Variants in GLI3 observed in about 807,000 individuals in gnomAD.
GLI3 encodes GLI family zinc finger 3, also known as transcription activator GLI3.
A neutral mutation model predicts 100.8 loss-of-function variants in GLI3; 20 were observed. The ratio of observed to expected loss-of-function variants is 0.20; its 90% CI spans 0.14 to 0.29. The LOEUF (loss-of-function observed/expected upper bound fraction) is 0.29. Among genes scored for constraint, GLI3 ranks in the 10% least tolerant of loss-of-function variants. The probability of loss-of-function intolerance (pLI) is 1.00; values close to 1 mark genes in which losing one functional copy is unlikely to be tolerated. For missense variants in GLI3, 2,040 were observed against 2,128.5 expected (o/e 0.96, Z 0.82); for synonymous variants, 938 against 860.5 (o/e 1.09, Z -1.58).
intron 10 of GLI3, among the ~76,000 whole-genome samples, chr7:42,002,118 A>T (rs1168655344): frequency 6.6e-6 from 1 of 152,164 alleles, no homozygotes; most frequent in African/African-American, 2.4e-5. Context: ...AAGAATTGAG[A>T]GGGCACACAA....
At chr7:42,065,663 T>G (rs1293759573) in intron 4 of GLI3, among the ~76,000 whole-genome samples, 1 of 152,168 alleles carries the variant, frequency 6.6e-6, no homozygotes, top group Non-Finnish European at 1.5e-5. Flanking sequence ...CATAAGGCAA[T>G]CCATTTTATG....
chr7:42,157,916 T>C lies in GLI3; in HGVS notation c.125-9448A>G, dbSNP rs1023517252. ...ATATTAATAACACCCCCCGCTGGTA[T>C]AGGACTTTAAAAGATTTTGATAAAT... On this transcript the variant is annotated intron_variant, in intron 2 of 14. Coordinates refer to ENST00000395925, the MANE Select transcript of GLI3 (RefSeq NM_000168.6). Among the ~76,000 whole-genome samples the C allele has an allele frequency of 4.6e-5, 7 of 152,216 alleles. No homozygotes were observed. The East Asian group carries it at 1.2e-3, about 25-fold the overall frequency.
At chr7:42,030,287 A>G (rs145333633) in intron 7 of GLI3, among the ~76,000 whole-genome samples, 52 of 152,218 alleles carry the variant, frequency 3.4e-4, no homozygotes, top group Non-Finnish European at 5.9e-4. Context: ...ATCGAGGATC[A>G]TCTTCTCATC....
chr7:42,023,393 A>G (rs1046942993), intron 10 of GLI3, 75 bp downstream of exon 10: 3 of 1,461,738 alleles, frequency 2.1e-6, no homozygotes, highest in African/African-American at 2.8e-5. Flanking sequence ...GACTCAGCTC[A>G]GGGTCAGAGA....
chr7:42,143,052 A>T (rs765557104), intron 3 of GLI3, among the ~76,000 whole-genome samples: 1 of 152,214 alleles, frequency 6.6e-6, no homozygotes, highest in Admixed American at 6.5e-5. Context: ...TAAGAGAAAG[A>T]CAAGAATAAG....
intron 2 of GLI3, among the ~76,000 whole-genome samples, chr7:42,211,884 A>C (rs1788280159): frequency 6.6e-6 from 1 of 152,260 alleles, no homozygotes; most frequent in Non-Finnish European, 1.5e-5. Context: ...ATGAAGCAAG[A>C]GTCCTAGAAA....
intron 13 of GLI3, among the ~76,000 whole-genome samples, chr7:41,968,708 A>C (rs1309504252): frequency 5.1e-5 from 6 of 116,560 alleles, no homozygotes; most frequent in Non-Finnish European, 1.0e-4. Flanking sequence ...AAAGAAAGAA[A>C]GAAAGAAGAA....
At chr7:42,104,253 A>G (rs1243743236) in intron 3 of GLI3, among the ~76,000 whole-genome samples, 2 of 152,218 alleles carry the variant, frequency 1.3e-5, no homozygotes, top group Non-Finnish European at 2.9e-5. Context: ...AGAAAAGAAG[A>G]TAATGCATCA....
At chr7:42,209,741 C>T (rs1196734461) in intron 2 of GLI3, among the ~76,000 whole-genome samples, 1 of 151,652 alleles carries the variant, frequency 6.6e-6, no homozygotes, top group Non-Finnish European at 1.5e-5. Flanking sequence ...ATTAGCTAGG[C>T]TACAACTATG....
chr7:42,148,418 T>C lies in GLI3; in HGVS notation c.175A>G (p.Thr59Ala). ...TYHRERRNAI[T>A]MQPQNVQGLS... ...CCCTGGACATTCTGTGGCTGCATAG[T>C]GATTGCGTTTCTTCTCTCTCTGTGA... Residue 59 changes from threonine (T) to alanine (A), a missense_variant, in exon 3 of 15, where the codon ACT (threonine) becomes GCT (alanine). Thr to Ala is a moderately conservative substitution (Grantham distance 58). Coordinates refer to ENST00000395925, the MANE Select transcript of GLI3 (RefSeq NM_000168.6). 6.2e-7 allele frequency: 1 copy of C among 1,613,956 alleles called. No homozygotes were observed.
chr7:42,188,268 T>C (rs1787759418), intron 2 of GLI3, among the ~76,000 whole-genome samples: 1 of 152,140 alleles, frequency 6.6e-6, no homozygotes, highest in Non-Finnish European at 1.5e-5. Context: ...TGGTAATTTG[T>C]TATAGCAGCC....
At chr7:42,202,478 T>C (rs1788066661) in intron 2 of GLI3, among the ~76,000 whole-genome samples, 1 of 152,020 alleles carries the variant, frequency 6.6e-6, no homozygotes, top group Non-Finnish European at 1.5e-5. Context: ...CCACTAAAAC[T>C]AGTGATTAAT....
intron 3 of GLI3, among the ~76,000 whole-genome samples, chr7:42,090,466 G>T (rs1352745052): frequency 6.6e-6 from 1 of 152,178 alleles, no homozygotes; most frequent in Non-Finnish European, 1.5e-5. Context: ...CTGTACCCAT[G>T]TTTAAGAAGT....
chr7:42,262,418 G>T (rs951490024), intron 1 of GLI3, among the ~76,000 whole-genome samples: 2 of 151,874 alleles, frequency 1.3e-5, no homozygotes, highest in South Asian at 4.2e-4. Flanking sequence ...TGCCACCACA[G>T]CCAGCTAATT....
At chr7:41,968,375 C>T (rs1053979077) in intron 13 of GLI3, among the ~76,000 whole-genome samples, 3 of 152,128 alleles carry the variant, frequency 2.0e-5, no homozygotes, top group African/African-American at 7.2e-5. Context: ...TATAAAAAGA[C>T]CTGGATAATA....
intron 2 of GLI3, among the ~76,000 whole-genome samples, chr7:42,162,275 CAA>C (rs1478336513): frequency 6.6e-6 from 1 of 151,944 alleles, no homozygotes; most frequent in African/African-American, 2.4e-5. Context: ...TTCAAATTTT[CAA>C]AGAGGCTGCG....
At chr7:42,092,395 A>G (rs1229891466) in intron 3 of GLI3, among the ~76,000 whole-genome samples, 1 of 152,198 alleles carries the variant, frequency 6.6e-6, no homozygotes, top group Non-Finnish European at 1.5e-5. Flanking sequence ...ACAGGGATGG[A>G]AAGTTCAAGA....
At chr7:42,025,407 A>C in intron 8 of GLI3, 30 bp from the exon 9 acceptor site, 1 of 1,522,276 alleles carries the variant, frequency 6.6e-7, no homozygotes, top group Non-Finnish European at 9.1e-7. Flanking sequence ...AGCCAGAGAC[A>C]AAAAGATTTT....
At chr7:42,106,834 G>A (rs1327335976) in intron 3 of GLI3, among the ~76,000 whole-genome samples, 1 of 151,754 alleles carries the variant, frequency 6.6e-6, no homozygotes, top group Admixed American at 6.6e-5. Context: ...ACTTACCCCA[G>A]CCCTGCCATG....
Sources: allele counts gnomAD v4.1 joint callset (sites outside exome capture counted in the v4.1 genomes callset), GRCh38; gene constraint gnomAD v4.1.1; transcripts MANE v1.5; gene names NCBI Gene and HGNC (gene_info 2026-07-23, HGNC 2026-07-21).